EIPR1: variants seen among roughly 807,000 people sequenced by gnomAD.
EIPR1 encodes the protein EARP complex and GARP complex interacting protein 1, also known as EARP and GARP complex-interacting protein 1.
A neutral mutation model predicts 48.1 loss-of-function variants in EIPR1; 25 were observed. The ratio of observed to expected loss-of-function variants is 0.52; its 90% confidence interval spans 0.38 to 0.73. EIPR1 has a LOEUF of 0.73. EIPR1 is among the 30% of genes least tolerant of loss of function. The pLI, the probability that EIPR1 is intolerant of heterozygous loss-of-function variation, is 0.00. For missense variants in EIPR1, 415 were observed against 506.2 expected, an observed-to-expected ratio of 0.82 and a Z score of 1.73; for synonymous variants, 204 against 201.9, an observed-to-expected ratio of 1.01 and a Z score of -0.09.
In EIPR1 at chr2:3,209,875, T is replaced by C. The variant is rs1426508100; in HGVS notation, c.516+4274A>G. On this transcript the variant is annotated intron_variant, in intron 5 of 8. Transcript: ENST00000382125. ...TTGCCAGGGGCTTGGAGAGAGAGCATGAGGAAAGAATCATCGTTGGGGCAC... is the reference window on the plus strand; with the variant it reads ...TTGCCAGGGGCTTGGAGAGAGAGCACGAGGAAAGAATCATCGTTGGGGCAC... Among the ~76,000 whole-genome samples the C allele has an allele frequency of 3.9e-5, 6 of 152,192 alleles. No homozygotes were observed. In the East Asian group the frequency reaches 1.2e-3, roughly 29 times the overall value.
chr2:3,192,615 G>C (rs1369886838), intron 7 of EIPR1, 34 bp from the exon 8 acceptor site: 1 of 1,603,006 alleles, frequency 6.2e-7, no homozygotes, highest in Non-Finnish European at 8.5e-7. Flanking sequence ...GAAATGAACT[G>C]TCACCCGCAG....
chr2:3,245,832 G>C (rs1323620785), intron 4 of EIPR1, among the ~76,000 whole-genome samples: 2 of 152,240 alleles, frequency 1.3e-5, no homozygotes, highest in Non-Finnish European at 2.9e-5. Context: ...GCCGAAGTGG[G>C]AGGACTGCTT....
intron 2 of EIPR1, among the ~76,000 whole-genome samples, chr2:3,346,059 G>GTTT (rs113279062): frequency 5.3e-5 from 8 of 152,342 alleles, no homozygotes; most frequent in African/African-American, 1.9e-4. Flanking sequence ...CTCCCAGCAT[G>GTTT]TTTTGTTCAT....
chr2:3,233,398 TG>T (rs2103170872), intron 4 of EIPR1, among the ~76,000 whole-genome samples: 1 of 152,230 alleles, frequency 6.6e-6, no homozygotes, highest in South Asian at 2.1e-4. Context: ...GTAAGTATCC[TG>T]GAGAAAGACT....
chr2:3,274,231 C>A, intron 3 of EIPR1: 1 of 1,475,706 alleles, frequency 6.8e-7, no homozygotes, highest in Non-Finnish European at 9.0e-7. Flanking sequence ...AACAAATTAT[C>A]AGACTCAGGA....
At chr2:3,213,024 C>T (rs1354014784) in intron 5 of EIPR1, among the ~76,000 whole-genome samples, 1 of 152,120 alleles carries the variant, frequency 6.6e-6, no homozygotes, top group African/African-American at 2.4e-5. Context: ...TTCATACCAC[C>T]TCGTCAGCCT....
intron 3 of EIPR1, among the ~76,000 whole-genome samples, chr2:3,314,425 T>A (rs949948813): frequency 6.6e-6 from 1 of 152,164 alleles, no homozygotes; most frequent in East Asian, 1.9e-4. Context: ...GGGTGGACAT[T>A]TATTATTTTT....
chr2:3,252,441 A>C (rs1667029598), intron 4 of EIPR1, among the ~76,000 whole-genome samples: 1 of 152,258 alleles, frequency 6.6e-6, no homozygotes, highest in African/African-American at 2.4e-5. Flanking sequence ...AAATACAAAA[A>C]TTAGCCAGGC....
chr2:3,235,287 C>CA lies in EIPR1; in HGVS notation c.417-21040dup, dbSNP rs1260103268. Among the ~76,000 whole-genome samples the CA allele has an allele frequency of 2.0e-5, 3 of 152,392 alleles. No homozygotes were observed. The East Asian group carries it at 5.8e-4, about 29-fold the overall frequency. On this transcript the variant is annotated intron_variant, in intron 4 of 8. Coordinates refer to ENST00000382125, the MANE Select transcript of EIPR1 (RefSeq NM_003310.5). ...GCCACAGGAATAGGTCACATCCCCTCAGCTCCTCCCTCTTCTTGGCCTCAA... is the reference window on the plus strand; with the variant it reads ...GCCACAGGAATAGGTCACATCCCCTCAAGCTCCTCCCTCTTCTTGGCCTCAA...
At chr2:3,372,511 G>T (rs1202662434) in intron 1 of EIPR1, among the ~76,000 whole-genome samples, 2 of 152,094 alleles carry the variant, frequency 1.3e-5, no homozygotes, top group Non-Finnish European at 2.9e-5. Flanking sequence ...AAAAAGAGAA[G>T]AATCAAATAG....
chr2:3,200,996 C>G (rs1665015218), intron 5 of EIPR1, among the ~76,000 whole-genome samples: 1 of 152,196 alleles, frequency 6.6e-6, no homozygotes, highest in Non-Finnish European at 1.5e-5. Context: ...TGGACTCAAA[C>G]TAGCGCTAGC....
At chr2:3,211,376 A>G (rs563523158) in intron 5 of EIPR1, among the ~76,000 whole-genome samples, 1 of 152,296 alleles carries the variant, frequency 6.6e-6, no homozygotes, top group South Asian at 2.1e-4. Flanking sequence ...AAGGAGCCAT[A>G]GAACCCACCG....
rs763600862 is a variant in EIPR1, at chr2:3,286,725, C to T, written c.260-29270G>A. Among the ~76,000 whole-genome samples the T allele has an allele frequency of 3.9e-5, 6 of 152,258 alleles. No homozygotes were observed. The highest frequency in any genetic ancestry group is 1.9e-4 in the East Asian group (1 of 5,196). ...GAACAAGCCAGCCCCTGCGTCCCCA[C>T]GTGCTGAGTCCATCCTCCCAGCAGC... On this transcript the variant is annotated intron_variant, in intron 3 of 8. Transcript: ENST00000382125. The surrounding 1 kb of genome is among the most constrained non-coding windows in gnomAD (Gnocchi z 4.2).
At chr2:3,222,410 A>C (rs964904177) in intron 4 of EIPR1, among the ~76,000 whole-genome samples, 7 of 152,286 alleles carry the variant, frequency 4.6e-5, no homozygotes, top group African/African-American at 1.2e-4. Context: ...AGGAAGCAAT[A>C]AAATGAGTTT....
At chr2:3,376,421 G>A (rs1193119361) in intron 1 of EIPR1, among the ~76,000 whole-genome samples, 7 of 152,154 alleles carry the variant, frequency 4.6e-5, no homozygotes, top group African/African-American at 1.7e-4. Flanking sequence ...GGCCAGGTGC[G>A]GTGGCTCACG....
intron 5 of EIPR1, among the ~76,000 whole-genome samples, chr2:3,213,706 C>G (rs1038480894): frequency 1.3e-5 from 2 of 152,188 alleles, no homozygotes; most frequent in South Asian, 2.1e-4. Context: ...TGAGTGACAT[C>G]TGAACGGCTT....
chr2:3,307,172 G>A (rs539572595), intron 3 of EIPR1, among the ~76,000 whole-genome samples: 2 of 152,174 alleles, frequency 1.3e-5, no homozygotes, highest in African/African-American at 4.8e-5. Context: ...ATGTTGGACA[G>A]GCTGGTCTCA....
intron 3 of EIPR1, among the ~76,000 whole-genome samples, chr2:3,321,441 T>C (rs990256849): frequency 2.6e-5 from 4 of 152,190 alleles, no homozygotes; most frequent in Admixed American, 1.3e-4. Context: ...ATGAGGCTGA[T>C]GGATTCCAAC....
At chr2:3,270,895 C>T (rs1026563158) in intron 3 of EIPR1, among the ~76,000 whole-genome samples, 7 of 152,192 alleles carry the variant, frequency 4.6e-5, no homozygotes, top group African/African-American at 1.2e-4. Flanking sequence ...GCATGTGATG[C>T]TATTTGACAG....
Sources: allele counts gnomAD v4.1 joint callset (sites outside exome capture counted in the v4.1 genomes callset), GRCh38; gene constraint gnomAD v4.1.1; non-coding constraint Gnocchi (gnomAD v3.1); transcripts MANE v1.5; gene names NCBI Gene and HGNC (gene_info 2026-07-23, HGNC 2026-07-21).